The following CDK19 variants were observed in gnomAD, a reference collection of about 807,000 sequenced individuals.
The protein encoded by CDK19 is cyclin-dependent kinase 19.
CDK19 carries 20 observed loss-of-function variants against 68.3 expected under a neutral mutation model. The ratio of observed to expected loss-of-function variants is 0.29; its 90% CI spans 0.21 to 0.43. CDK19 has a LOEUF of 0.43. Ranked by LOEUF, CDK19 falls within the 20% of genes least tolerant of loss-of-function variation. CDK19 has a pLI of 1.00. For synonymous variants in CDK19, 221 were observed against 222.8 expected (o/e 0.99, Z 0.07); for missense variants, 339 against 623.5 (o/e 0.54, Z 4.86).
At chr6:110,651,898 T>TAATA (rs1232069881) in intron 4 of CDK19, among the ~76,000 whole-genome samples, 17 of 152,000 alleles carry the variant, frequency 1.1e-4, no homozygotes, top group African/African-American at 2.4e-4. Flanking sequence ...AAGAAAGAAA[T>TAATA]AATAAATAAA....
intron 1 of CDK19, chr6:110,814,680 C>T (rs908693168): frequency 4.5e-5 from 24 of 537,946 alleles, no homozygotes; most frequent in Admixed American, 1.6e-4. Flanking sequence ...TGCGTTCCCC[C>T]AAGAGACTAG....
chr6:110,616,689 A>G (rs1421447447), intron 12 of CDK19, among the ~76,000 whole-genome samples: 2 of 151,940 alleles, frequency 1.3e-5, no homozygotes, highest in Non-Finnish European at 2.9e-5. Context: ...AAACAAAACA[A>G]AACTTAGTTT....
In CDK19 at chr6:110,717,358, ATCAG is replaced by A. The variant is rs71698424; in HGVS notation, c.204+28764_204+28767del. Among the ~76,000 whole-genome samples, 3,278 of 152,224 alleles carry A rather than the reference ATCAG, an allele frequency of 0.022. 360 individuals carry two copies. In the East Asian group the frequency reaches 0.35, roughly 16 times the overall value. ...ATCTTTTTATGGAATAAAGCAGACA[ATCAG>A]TCAATGAGCCCTTAGAGCTGTGGAC... On this transcript the variant is annotated intron_variant, in intron 2 of 12. Coordinates refer to ENST00000368911, the MANE Select transcript of CDK19 (RefSeq NM_015076.5).
At chr6:110,623,787 C>CATAT (rs1778880174) in intron 8 of CDK19, among the ~76,000 whole-genome samples, 1 of 146,910 alleles carries the variant, frequency 6.8e-6, no homozygotes, top group Non-Finnish European at 1.5e-5. Context: ...CATATATACA[C>CATAT]ATATATACAC....
chr6:110,626,951 T>A, intron 7 of CDK19, 51 bp downstream of exon 7: 1 of 1,518,476 alleles, frequency 6.6e-7, no homozygotes, highest in Admixed American at 1.9e-5. Flanking sequence ...TGAGAAGAAA[T>A]GATTTTGAAA....
intron 5 of CDK19, among the ~76,000 whole-genome samples, chr6:110,638,228 A>G (rs1165554012): frequency 6.6e-6 from 1 of 152,194 alleles, no homozygotes; most frequent in Non-Finnish European, 1.5e-5. Flanking sequence ...GGTGTGGTGA[A>G]GTAGGGAGAA....
At chr6:110,735,422 C>T (rs868170516) in intron 2 of CDK19, among the ~76,000 whole-genome samples, 1 of 151,980 alleles carries the variant, frequency 6.6e-6, no homozygotes, top group Non-Finnish European at 1.5e-5. Flanking sequence ...TTATTAACAG[C>T]CCACTTTGTT....
At chr6:110,755,972 T>C (rs965118269) in intron 1 of CDK19, among the ~76,000 whole-genome samples, 1 of 152,000 alleles carries the variant, frequency 6.6e-6, no homozygotes, top group Admixed American at 6.6e-5. Flanking sequence ...AATATATATC[T>C]ATTATGGCCA....
intron 1 of CDK19, among the ~76,000 whole-genome samples, chr6:110,811,982 G>A (rs1034607860): frequency 1.3e-5 from 2 of 151,458 alleles, no homozygotes; most frequent in African/African-American, 4.9e-5. Context: ...AAGATCACTT[G>A]AGCCCAGGAG....
At chr6:110,778,974 C>T (rs1440714010) in intron 1 of CDK19, among the ~76,000 whole-genome samples, 1 of 152,110 alleles carries the variant, frequency 6.6e-6, no homozygotes. Context: ...ATCCTACAGT[C>T]ATCATGCCAA....
At chr6:110,627,883 T>G (rs1359384354) in intron 6 of CDK19, among the ~76,000 whole-genome samples, 1 of 152,132 alleles carries the variant, frequency 6.6e-6, no homozygotes, top group African/African-American at 2.4e-5. Context: ...ATTTATAAGT[T>G]TTGAGTCTAG....
At chr6:110,719,972 G>GCTCCCCCCCCCCCCC (rs1554211507) in intron 2 of CDK19, among the ~76,000 whole-genome samples, 103 of 45,518 alleles carry the variant, frequency 2.3e-3, no homozygotes, top group South Asian at 6.0e-3. Flanking sequence ...CTTGTGATCC[G>GCTCCCCCCCCCCCCC]CCCCCCCCCC....
intron 2 of CDK19, among the ~76,000 whole-genome samples, chr6:110,678,145 C>G (rs188689131): frequency 6.6e-6 from 1 of 152,006 alleles, no homozygotes; most frequent in Non-Finnish European, 1.5e-5. Context: ...ACCACACTAG[C>G]CCAGAAAGAC....
chr6:110,778,580 T>G (rs1453700817), intron 1 of CDK19, among the ~76,000 whole-genome samples: 1 of 152,210 alleles, frequency 6.6e-6, no homozygotes, highest in Non-Finnish European at 1.5e-5. Flanking sequence ...ATCACACGTA[T>G]TACTACTTGG....
At chr6:110,646,596 G>A (rs1253995434) in intron 4 of CDK19, 3 of 696,358 alleles carry the variant, frequency 4.3e-6, no homozygotes, top group Non-Finnish European at 6.4e-6. Flanking sequence ...GGCCAACGGC[G>A]GAGGGGGCGG....
intron 11 of CDK19, 46 bp downstream of exon 11, chr6:110,622,042 G>T: frequency 9.2e-7 from 1 of 1,091,626 alleles, no homozygotes; most frequent in Non-Finnish European, 1.3e-6. Context: ...CTATCTTTTT[G>T]CCTCCCTTGC....
chr6:110,614,899 A>G (rs1428828421), intron 12 of CDK19, among the ~76,000 whole-genome samples: 1 of 152,162 alleles, frequency 6.6e-6, no homozygotes, highest in Non-Finnish European at 1.5e-5. Context: ...TTTTTGTGGG[A>G]GATAAGCTAC....
At chr6:110,686,478 T>C (rs577592219) in intron 2 of CDK19, among the ~76,000 whole-genome samples, 1 of 152,354 alleles carries the variant, frequency 6.6e-6, no homozygotes, top group South Asian at 2.1e-4. Context: ...AAATTTGCTA[T>C]GGCAGATTTC....
chr6:110,645,359 T>C (rs953365886), intron 4 of CDK19, among the ~76,000 whole-genome samples: 1 of 152,158 alleles, frequency 6.6e-6, no homozygotes, highest in Non-Finnish European at 1.5e-5. Flanking sequence ...ATATTCAGAA[T>C]TGAAATAATG....
Sources: gnomAD v4.1 joint callset for allele counts (sites outside exome capture counted in the v4.1 genomes callset) on GRCh38, gnomAD v4.1.1 for gene constraint, MANE v1.5 for transcripts, NCBI Gene and HGNC (gene_info 2026-07-23, HGNC 2026-07-21) for gene names.